Variants in VDAC3 observed in about 807,000 individuals in gnomAD.
The protein encoded by VDAC3 is voltage dependent anion channel 3.
A neutral mutation model predicts 33.9 loss-of-function variants in VDAC3; 7 were observed. The ratio of observed to expected loss-of-function variants is 0.21; its 90% CI spans 0.12 to 0.39. The LOEUF is 0.39. Among genes scored for constraint, VDAC3 ranks in the 10% least tolerant of loss-of-function variants. The pLI is 1.00. For synonymous variants in VDAC3, 100 were observed against 122.4 expected (o/e 0.82, Z 1.21); for missense variants, 261 against 334.5 (o/e 0.78, Z 1.71).
intron 8 of VDAC3, among the ~76,000 whole-genome samples, chr8:42,404,372 C>G (rs1434518360): frequency 6.6e-6 from 1 of 152,136 alleles, no homozygotes; most frequent in Non-Finnish European, 1.5e-5. Flanking sequence ...TTGCTTGAGG[C>G]CTTGAAGCAT....
At chr8:42,405,082 T>C (rs984527871) in intron 9 of VDAC3, among the ~76,000 whole-genome samples, 158 bp downstream of exon 9, 4 of 152,226 alleles carry the variant, frequency 2.6e-5, no homozygotes, top group African/African-American at 4.8e-5. Context: ...TCAAATACTT[T>C]TGCATTAAAA....
At position 42,401,655 on chromosome 8, in the gene VDAC3, A is replaced by G. The variant is rs1802415723; in HGVS notation, c.324-133A>G. ...CTAGGTCATTTGAAATGTTTTTACT[A>G]TATATGTGGCATGTACCAAAATAAT... On this transcript the variant is annotated intron_variant, in intron 6 of 9. Transcript: ENST00000022615. The G allele has an allele frequency of 9.1e-6, 7 of 769,080 alleles. No individual in the cohort carries two copies. The East Asian group carries it at 1.8e-4, about 20-fold the overall frequency. The allele number at this position is 769,080 out of a possible 1,614,324, so 47.6% of individuals were successfully genotyped here.
chr8:42,403,532 G>A, intron 8 of VDAC3, 71 bp downstream of exon 8: 2 of 1,425,394 alleles, frequency 1.4e-6, no homozygotes, highest in South Asian at 2.8e-5. Flanking sequence ...GTTGTGATAT[G>A]AGTGTAGTTT....
At chr8:42,402,860 G>A (rs538249063) in intron 7 of VDAC3, among the ~76,000 whole-genome samples, 19 of 152,260 alleles carry the variant, frequency 1.2e-4, no homozygotes, top group African/African-American at 4.1e-4. Context: ...CCTAGGTATC[G>A]TAGGAGGGTG....
chr8:42,391,994 G>T (rs1427446112), intron 1 of VDAC3, 66 bp downstream of exon 1: 1 of 152,476 alleles, frequency 6.6e-6, no homozygotes, highest in African/African-American at 2.4e-5. Flanking sequence ...CGAGCAGAGC[G>T]CCAGGCGGGA....
intron 6 of VDAC3, 56 bp from the exon 7 acceptor site, chr8:42,401,732 G>A (rs1250626062): frequency 2.0e-6 from 3 of 1,521,832 alleles, no homozygotes; most frequent in South Asian, 1.1e-5. Context: ...TTCCTAGACA[G>A]TAGTAAGAAC....
intron 4 of VDAC3, chr8:42,397,527 G>GT (rs1802336731): frequency 6.6e-6 from 1 of 152,164 alleles, no homozygotes; most frequent in African/African-American, 2.4e-5. Flanking sequence ...CAATCAGAAT[G>GT]TTTTTTCTTG....
In VDAC3 at chr8:42,401,007, A is replaced by G. The variant is rs7823426; in HGVS notation, c.324-781A>G. The stretch of plus-strand genomic sequence containing the variant: ...AGGCTTGATTGGAATAGGGTTATTA[A>G]GAACTAATTTCATTTTTTCAGTATT... On this transcript the variant is annotated intron_variant, in intron 6 of 9. Coordinates refer to ENST00000022615, the MANE Select transcript of VDAC3 (RefSeq NM_005662.7). Among the ~76,000 whole-genome samples the G allele has an allele frequency of 6.3e-3, 961 of 152,164 alleles. 6 individuals carry two copies. The highest frequency in any genetic ancestry group is 0.022 in the African/African-American group (899 of 41,518).
chr8:42,403,604 C>A, intron 8 of VDAC3, 143 bp downstream of exon 8: 2 of 960,638 alleles, frequency 2.1e-6, no homozygotes, highest in Non-Finnish European at 3.0e-6. Context: ...TATAATGTGG[C>A]CAGGCTCACG....
Position 42,404,580 on chromosome 8 carries a change from G to A in VDAC3, c.703-287G>A, listed in dbSNP as rs552853381. On this transcript the variant is annotated intron_variant, in intron 8 of 9. Coordinates refer to ENST00000022615, the MANE Select transcript of VDAC3 (RefSeq NM_005662.7). ...TCTACTAAAAATACAAAATTAGCCGGGCATGGGGGCGCATGCCTGTAATCC... is the reference window on the plus strand; with the variant it reads ...TCTACTAAAAATACAAAATTAGCCGAGCATGGGGGCGCATGCCTGTAATCC... Among the ~76,000 whole-genome samples, 5 of 152,180 alleles carry A rather than the reference G, an allele frequency of 3.3e-5. No individual in the cohort carries two copies. The East Asian group carries it at 9.7e-4, about 29-fold the overall frequency.
intron 3 of VDAC3, 74 bp from the exon 4 acceptor site, chr8:42,395,010 A>G (rs1802280132): frequency 6.3e-7 from 1 of 1,581,844 alleles, no homozygotes; most frequent in South Asian, 1.1e-5. Flanking sequence ...GCTATTTCAT[A>G]ATTTCTGAGT....
chr8:42,396,571 A>C (rs1227477771), intron 4 of VDAC3: 1 of 660,292 alleles, frequency 1.5e-6, no homozygotes, highest in Admixed American at 2.7e-5. Flanking sequence ...AATCATTCTC[A>C]TTTTGTGTAG....
At chr8:42,394,314 A>G (rs762186392) in intron 3 of VDAC3, 36 bp downstream of exon 3, 2 of 1,585,086 alleles carry the variant, frequency 1.3e-6, no homozygotes, top group South Asian at 1.1e-5. Flanking sequence ...GTTTGGGGTA[A>G]AGGTTAGTGT....
chr8:42,401,131 T>C (rs1802408586), intron 6 of VDAC3, among the ~76,000 whole-genome samples: 1 of 152,242 alleles, frequency 6.6e-6, no homozygotes, highest in African/African-American at 2.4e-5. Flanking sequence ...TTTAAAGAGA[T>C]TTGGCTTCTT....
At chr8:42,396,686 A>T in intron 4 of VDAC3, 1 of 689,456 alleles carries the variant, frequency 1.5e-6, no homozygotes, top group Non-Finnish European at 2.6e-6. Flanking sequence ...AGATGGTAAG[A>T]AAAAAAAGCT....
intron 1 of VDAC3, among the ~76,000 whole-genome samples, 164 bp downstream of exon 1, chr8:42,392,092 G>A (rs1166768934): frequency 6.6e-6 from 1 of 152,232 alleles, no homozygotes; most frequent in East Asian, 1.9e-4. Flanking sequence ...GGACCCGCCC[G>A]GGCCACCTCA....
At chr8:42,394,401 G>T in intron 3 of VDAC3, 123 bp downstream of exon 3, 1 of 850,212 alleles carries the variant, frequency 1.2e-6, no homozygotes, top group Non-Finnish European at 1.9e-6. Context: ...CAAGATTTAA[G>T]GGGATAACTA....
Position 42,402,012 on chromosome 8 carries a change from A to G in VDAC3, c.548A>G (p.His183Arg), listed in dbSNP as rs1475177443. ...YKAADFQLHT[H>R]VNDGTEFGGS... ...GCTGCGGACTTCCAGCTGCACACAC[A>G]TGTGTGAGTGTTTATAATTTATTCC... Residue 183 changes from histidine (H) to arginine (R), a missense_variant, in exon 7 of 10, where the codon CAT becomes CGT. His to Arg is a conservative substitution (Grantham distance 29). Transcript: ENST00000022615. The G allele has an allele frequency of 1.1e-5, 18 of 1,613,972 alleles. No homozygotes were observed. The highest frequency in any genetic ancestry group is 2.2e-5 in the East Asian group (1 of 44,900).
chr8:42,398,676 CTAA>C (rs759426000), intron 4 of VDAC3, 33 bp from the exon 5 acceptor site: 27 of 1,592,598 alleles, frequency 1.7e-5, no homozygotes, highest in Middle Eastern at 1.7e-4. Flanking sequence ...ATTTGATGAG[CTAA>C]TTTTAAAGTA....
Sources: allele counts gnomAD v4.1 joint callset (sites outside exome capture counted in the v4.1 genomes callset), GRCh38; gene constraint gnomAD v4.1.1; transcripts MANE v1.5; gene names NCBI Gene and HGNC (gene_info 2026-07-23, HGNC 2026-07-21).